The following RPN1 variants were observed in gnomAD, a reference collection of about 807,000 sequenced individuals.
RPN1 encodes ribophorin I.
Under a neutral mutation model 55.5 loss-of-function variants are expected in RPN1, and 12 were observed. The observed-to-expected ratio is 0.22, with a 90% CI of 0.14 to 0.35. The LOEUF (loss-of-function observed/expected upper bound fraction) is 0.35. Among genes scored for constraint, RPN1 ranks in the 10% least tolerant of loss-of-function variants. The probability of loss-of-function intolerance (pLI) is 1.00; values close to 1 mark genes in which losing one functional copy is unlikely to be tolerated. For synonymous variants in RPN1, 317 were observed against 305.9 expected, an observed-to-expected ratio of 1.04 and a Z score of -0.38; for missense variants, 679 against 761.3, an observed-to-expected ratio of 0.89 and a Z score of 1.27.
intron 6 of RPN1, 47 bp downstream of exon 6, chr3:128,626,686 T>A: frequency 6.5e-7 from 1 of 1,548,518 alleles, no homozygotes; most frequent in Non-Finnish European, 8.9e-7. Context: ...ACCACAAGGG[T>A]ACAACCAGAG....
chr3:128,638,574 G>A (rs2069701270), intron 2 of RPN1, among the ~76,000 whole-genome samples: 1 of 152,102 alleles, frequency 6.6e-6, no homozygotes, highest in Non-Finnish European at 1.5e-5. Context: ...CCACCTCCCA[G>A]GTTCAAGAGA....
In RPN1 at chr3:128,631,939, A is replaced by G. The variant is rs774925118; in HGVS notation, c.843+9T>C. On this transcript the variant is annotated intron_variant, in intron 4 of 9. Coordinates refer to ENST00000296255, the MANE Select transcript of RPN1 (RefSeq NM_002950.4). ...ATTTCTCACAATGTCCAAGTTGAAC[A>G]TTCCATACCTTAAAAGAACGGATGG... 1.2e-6 allele frequency: 2 copies of G among 1,613,884 alleles called. No homozygotes were observed. Among genetic ancestry groups the G allele is most frequent in the Admixed American group, 1.7e-5 (1 of 60,018 alleles).
chr3:128,641,931 T>C (rs1327993368), intron 2 of RPN1, among the ~76,000 whole-genome samples: 2 of 152,146 alleles, frequency 1.3e-5, no homozygotes, highest in Admixed American at 1.3e-4. Flanking sequence ...CTCTTAGCCA[T>C]GATCATATCA....
chr3:128,628,383 T>G (rs75022067), intron 5 of RPN1, among the ~76,000 whole-genome samples: 1 of 778 alleles, frequency 1.3e-3, no homozygotes, highest in Admixed American at 0.014. Context: ...TAAGGCTAAT[T>G]AAGATGGATT....
intron 2 of RPN1, among the ~76,000 whole-genome samples, chr3:128,639,434 C>G (rs916655069): frequency 7.7e-6 from 1 of 129,132 alleles, no homozygotes; most frequent in African/African-American, 2.9e-5. Context: ...AGCCGGGCGA[C>G]AGAGCGAGAT....
intron 3 of RPN1, among the ~76,000 whole-genome samples, chr3:128,633,932 G>A (rs773500236): frequency 7.2e-5 from 11 of 152,196 alleles, no homozygotes; most frequent in East Asian, 1.9e-4. Context: ...GCAGTGAGCC[G>A]AGATTGTGCC....
At chr3:128,625,763 C>T (rs925743020) in intron 7 of RPN1, 110 bp from the exon 8 acceptor site, 1 of 1,571,152 alleles carries the variant, frequency 6.4e-7, no homozygotes. Context: ...CCAGAAGACG[C>T]CATGAGCTCA....
intron 1 of RPN1, among the ~76,000 whole-genome samples, chr3:128,649,553 C>G (rs910628498): frequency 6.6e-6 from 1 of 152,174 alleles, no homozygotes; most frequent in Non-Finnish European, 1.5e-5. Flanking sequence ...AGTCAGAGAA[C>G]GAAGTGTGCT....
At position 128,620,127 on chromosome 3, in the gene RPN1, A is replaced by G. The variant is rs907480969; in HGVS notation, c.*284T>C. On this transcript the variant is annotated 3_prime_UTR_variant, in exon 10 of 10. Coordinates refer to ENST00000296255, the MANE Select transcript of RPN1 (RefSeq NM_002950.4). Reference sequence around the variant, plus strand: ...AAAATATCTTAGACTTCAGAACAGAATACCAATCAAATATTGAAAATTCCT... The same window carrying G: ...AAAATATCTTAGACTTCAGAACAGAGTACCAATCAAATATTGAAAATTCCT... 1 of 289,362 alleles carries G rather than the reference A, an allele frequency of 3.5e-6. No homozygotes were observed. The highest frequency in any genetic ancestry group is 6.4e-6 in the Non-Finnish European group (1 of 156,410). The allele number at this position is 289,362 out of a possible 1,614,324, so 17.9% of individuals were successfully genotyped here. A position where few individuals can be genotyped will look rare whatever the true frequency, so the allele number is the denominator to read the frequency against.
chr3:128,649,211 T>C (rs957213029), intron 1 of RPN1, among the ~76,000 whole-genome samples: 10 of 152,176 alleles, frequency 6.6e-5, no homozygotes, highest in African/African-American at 2.4e-4. Flanking sequence ...TGTATACCAA[T>C]TATACCTCAA....
chr3:128,631,580 A>G (rs972347154), intron 4 of RPN1, among the ~76,000 whole-genome samples: 1 of 151,988 alleles, frequency 6.6e-6, no homozygotes, highest in Non-Finnish European at 1.5e-5. Context: ...TGTCTCTACT[A>G]AAAATACAAA....
chr3:128,638,947 CAGAG>C (rs1392854696), intron 2 of RPN1, among the ~76,000 whole-genome samples: 2 of 151,088 alleles, frequency 1.3e-5, no homozygotes, highest in African/African-American at 4.9e-5. Flanking sequence ...GCCTGGGTGA[CAGAG>C]AGAGACTCCA....
intron 3 of RPN1, among the ~76,000 whole-genome samples, chr3:128,635,870 G>T (rs1015454653): frequency 3.3e-5 from 5 of 150,404 alleles, no homozygotes; most frequent in African/African-American, 1.2e-4. Context: ...AACTTGTTAT[G>T]TATAATTTTG....
rs367651108 is a variant in RPN1 at position 128,620,015 on chromosome 3, TA to T, written c.*395del. ...TATTTCCATTTGTTCACACACGCTTTAAAAAAAAAAAAAAAAACACATGCAC... is the reference window on the plus strand; with the variant it reads ...TATTTCCATTTGTTCACACACGCTTTAAAAAAAAAAAAAAAACACATGCAC... On this transcript the variant is annotated 3_prime_UTR_variant, in exon 10 of 10. Transcript: ENST00000296255. 5,591 of 176,914 alleles carry T rather than the reference TA, an allele frequency of 0.032. No homozygotes were observed. Among genetic ancestry groups the T allele is most frequent in the East Asian group, 0.057 (657 of 11,552 alleles). The allele number at this position is 176,914 out of a possible 1,614,324, so 11.0% of individuals were successfully genotyped here.
At chr3:128,632,935 A>C (rs1267801073) in intron 3 of RPN1, among the ~76,000 whole-genome samples, 1 of 152,076 alleles carries the variant, frequency 6.6e-6, no homozygotes, top group African/African-American at 2.4e-5. Context: ...CTATGTGGTA[A>C]ATACTACCTC....
intron 3 of RPN1, among the ~76,000 whole-genome samples, chr3:128,633,690 T>C (rs2069657496): frequency 6.6e-6 from 1 of 152,104 alleles, no homozygotes. Context: ...GGACATCAAA[T>C]CAGTGAGTCA....
intron 3 of RPN1, among the ~76,000 whole-genome samples, chr3:128,636,145 A>G (rs1458748767): frequency 6.6e-6 from 1 of 152,190 alleles, no homozygotes; most frequent in East Asian, 1.9e-4. Flanking sequence ...AGCCCTAACT[A>G]TGTATCAAAC....
chr3:128,637,480 T>C (rs1035621715), intron 3 of RPN1, among the ~76,000 whole-genome samples: 4 of 152,120 alleles, frequency 2.6e-5, no homozygotes. Flanking sequence ...CCAACAGCTT[T>C]GCTACCCCAG....
At chr3:128,625,113 G>C (rs1437204156) in intron 8 of RPN1, among the ~76,000 whole-genome samples, 4 of 152,160 alleles carry the variant, frequency 2.6e-5, no homozygotes, top group Non-Finnish European at 5.9e-5. Flanking sequence ...CAGAGAGTGG[G>C]AGTGGGGAGA....
Sources: gnomAD v4.1 joint callset for allele counts (sites outside exome capture counted in the v4.1 genomes callset) on GRCh38, gnomAD v4.1.1 for gene constraint, MANE v1.5 for transcripts, NCBI Gene and HGNC (gene_info 2026-07-23, HGNC 2026-07-21) for gene names.